SLC35A3: variants seen among roughly 807,000 people sequenced by gnomAD.
SLC35A3 encodes UDP-N-acetylglucosamine transporter.
In SLC35A3, 26 loss-of-function variants were observed where a neutral mutation model predicts 39.0. The ratio of observed to expected loss-of-function variants is 0.67; its 90% CI spans 0.49 to 0.92. The LOEUF (loss-of-function observed/expected upper bound fraction) is 0.92, where lower values mean the gene tolerates loss of function less well. Among genes scored for constraint, SLC35A3 ranks in the 40% least tolerant of loss-of-function variants. The pLI, the probability that SLC35A3 is intolerant of heterozygous loss-of-function variation, is 0.00. For missense variants in SLC35A3, 299 were observed against 371.6 expected (o/e 0.80, Z 1.61); for synonymous variants, 135 against 133.1 (o/e 1.01, Z -0.10).
chr1:100,014,721 A>C (rs907285296), intron 5 of SLC35A3, among the ~76,000 whole-genome samples: 7 of 152,200 alleles, frequency 4.6e-5, no homozygotes, highest in Non-Finnish European at 1.5e-5. Context: ...GTATTATTTT[A>C]GTGCTCCAAA....
chr1:100,012,098 C>T (rs962806591), intron 5 of SLC35A3, among the ~76,000 whole-genome samples: 1 of 151,942 alleles, frequency 6.6e-6, no homozygotes, highest in African/African-American at 2.4e-5. Context: ...GCCTGGCCAA[C>T]ATGATGAAGC....
intron 5 of SLC35A3, among the ~76,000 whole-genome samples, chr1:100,012,452 A>G (rs1478152623): frequency 6.6e-6 from 1 of 152,202 alleles, no homozygotes; most frequent in African/African-American, 2.4e-5. Context: ...TGCTCATAGA[A>G]AAAAATGATA....
At chr1:100,000,483 A>C (rs901818052) in intron 3 of SLC35A3, among the ~76,000 whole-genome samples, 18 of 152,016 alleles carry the variant, frequency 1.2e-4, no homozygotes, top group African/African-American at 4.3e-4. Context: ...TTCTTGTCAC[A>C]TGATTAGTGC....
chr1:99,981,980 A>G (rs939819617), intron 1 of SLC35A3, among the ~76,000 whole-genome samples: 1 of 150,320 alleles, frequency 6.7e-6, no homozygotes, highest in East Asian at 2.0e-4. Context: ...TTTAGGGTTT[A>G]CCTACACCTA....
chr1:99,970,689 T>G (rs1348807948), intron 1 of SLC35A3: 3 of 1,367,978 alleles, frequency 2.2e-6, no homozygotes, highest in East Asian at 2.5e-5. Context: ...TGGGGTGAGA[T>G]TCTCATCAGA....
At chr1:99,986,599 A>AT (rs1312209478) in intron 1 of SLC35A3, among the ~76,000 whole-genome samples, 9 of 148,660 alleles carry the variant, frequency 6.1e-5, no homozygotes, top group East Asian at 2.0e-4. Context: ...TATTTTTTTG[A>AT]TTTTTTGAGA....
rs761922041 is a variant in SLC35A3 at position 100,031,488 on chromosome 1, G to GC, written c.*9016dup. 5.9e-5 allele frequency: 9 copies of GC among 152,096 alleles called. No homozygotes were observed. Among genetic ancestry groups the GC allele is most frequent in the Non-Finnish European group, 1.2e-4 (8 of 68,010 alleles). 9.4% of individuals were successfully genotyped at this position (152,096 alleles called of 1,614,324 possible). On this transcript the variant is annotated 3_prime_UTR_variant, in exon 8 of 8. Coordinates refer to ENST00000533028, the MANE Select transcript of SLC35A3 (RefSeq NM_012243.3). Reference sequence around the variant, plus strand: ...TCTAAGTTCAAATTCAAATACAATTGCCCCTCTGTAAACGTGGGGGATTGG... The same window carrying GC: ...TCTAAGTTCAAATTCAAATACAATTGCCCCCTCTGTAAACGTGGGGGATTGG...
intron 1 of SLC35A3, among the ~76,000 whole-genome samples, chr1:99,979,582 C>T (rs1395036785): frequency 3.3e-5 from 5 of 151,220 alleles, no homozygotes; most frequent in African/African-American, 7.3e-5. Context: ...TACAGGCGCC[C>T]GCCACCACGC....
intron 1 of SLC35A3, among the ~76,000 whole-genome samples, chr1:99,992,161 G>C (rs922174584): frequency 2.6e-5 from 4 of 152,090 alleles, no homozygotes; most frequent in African/African-American, 9.7e-5. Context: ...GAGAAAGGTA[G>C]GGTAAAAATC....
chr1:100,021,430 A>G (rs1660530770), intron 7 of SLC35A3, among the ~76,000 whole-genome samples: 1 of 152,120 alleles, frequency 6.6e-6, no homozygotes, highest in Non-Finnish European at 1.5e-5. Flanking sequence ...TAATCACAGC[A>G]CATTGGGAGT....
intron 3 of SLC35A3, among the ~76,000 whole-genome samples, chr1:100,005,082 C>G (rs1027970468): frequency 2.0e-5 from 3 of 152,166 alleles, no homozygotes; most frequent in African/African-American, 7.2e-5. Context: ...ACAATAGTTT[C>G]ACTGCGTATG....
Position 100,011,468 on chromosome 1 carries a change from G to A in SLC35A3, c.569G>A (p.Gly190Glu). Residue 190 changes from glycine (G) to glutamate (E), a missense_variant, in exon 5 of 8, where the codon GGG (glycine) becomes GAG (glutamate). Physicochemically the swap from Gly to Glu is moderately conservative, Grantham distance 98. Transcript: ENST00000533028. ...GCATGTTTTTCAAGTGGCTTTGCTG[G>A]GGTTTACTTTGAGAAAATCTTAAAA... ...LTACFSSGFA[G>E]VYFEKILKET... The A allele has an allele frequency of 6.4e-7, 1 of 1,573,932 alleles. No individual in the cohort carries two copies. The highest frequency in any genetic ancestry group is 8.7e-7 in the Non-Finnish European group (1 of 1,152,856).
In SLC35A3 at chr1:100,026,511, T is replaced by A. The variant is rs2101531544; in HGVS notation, c.*4035T>A. On this transcript the variant is annotated 3_prime_UTR_variant, in exon 8 of 8. Coordinates refer to ENST00000533028, the MANE Select transcript of SLC35A3 (RefSeq NM_012243.3). Reference sequence around the variant, plus strand: ...TGGGCAAAATTAGGATTTTTAAGAATAAATACATTTCTATTTTTTTGGTTG... The same window carrying A: ...TGGGCAAAATTAGGATTTTTAAGAAAAAATACATTTCTATTTTTTTGGTTG... The A allele has an allele frequency of 6.6e-6, 1 of 152,292 alleles. No homozygotes were observed. Among genetic ancestry groups the A allele is most frequent in the South Asian group, 2.1e-4 (1 of 4,832 alleles). The allele number at this position is 152,292 out of a possible 1,614,324, so 9.4% of individuals were successfully genotyped here.
rs1226959132 is a variant in SLC35A3 at position 100,024,550 on chromosome 1, C to CA, written c.*2088dup. ...TGGGTGACAGAGCGAGACTCCGTCTCAAAAAAAAAAAAAAGAAAACACACA... is the reference window on the plus strand; with the variant it reads ...TGGGTGACAGAGCGAGACTCCGTCTCAAAAAAAAAAAAAAAGAAAACACACA... On this transcript the variant is annotated 3_prime_UTR_variant, in exon 8 of 8. Transcript: ENST00000533028. 737 of 88,450 alleles carry CA rather than the reference C, an allele frequency of 8.3e-3. 3 individuals are homozygous for CA. Among genetic ancestry groups the CA allele is most frequent in the Middle Eastern group, 0.044 (8 of 182 alleles). The allele number at this position is 88,450 out of a possible 1,614,324, so 5.5% of individuals were successfully genotyped here.
At chr1:99,992,961 G>A (rs1008586874) in intron 1 of SLC35A3, 10 of 152,428 alleles carry the variant, frequency 6.6e-5, no homozygotes, top group African/African-American at 2.2e-4. Flanking sequence ...GTGGGAGGGG[G>A]AAGGGCCACC....
chr1:100,016,436 A>G (rs1194946230), intron 6 of SLC35A3, among the ~76,000 whole-genome samples: 4 of 136,624 alleles, frequency 2.9e-5, no homozygotes, highest in African/African-American at 5.6e-5. Flanking sequence ...TGCAGTGGCG[A>G]GATCTTGGCT....
rs1658593656 is a variant in SLC35A3 at position 99,999,111 on chromosome 1, G to A, written c.188-150G>A. ...ATAATATTTAACATTTTAAAAATCA[G>A]CATCATAAAGATATATTTTAGTCCT... is the stretch of plus-strand genomic sequence containing the variant. On this transcript the variant is annotated intron_variant, in intron 2 of 7. Transcript: ENST00000533028. The A allele has an allele frequency of 9.3e-6, 4 of 430,484 alleles. No individual in the cohort carries two copies. In the East Asian group the frequency reaches 1.5e-4, roughly 16 times the overall value. 26.7% of individuals were successfully genotyped at this position (430,484 alleles called of 1,614,324 possible).
intron 2 of SLC35A3, among the ~76,000 whole-genome samples, chr1:99,995,423 G>A (rs1400214517): frequency 6.6e-6 from 1 of 152,030 alleles, no homozygotes; most frequent in Admixed American, 6.6e-5. Flanking sequence ...AAAGTGCTGG[G>A]ATTACAGGAG....
Position 99,997,410 on chromosome 1 carries a change from T to TATATATATATATATATA in SLC35A3, c.188-1851_188-1850insATATATATATATATATA, listed in dbSNP as rs1658469252. On this transcript the variant is annotated intron_variant, in intron 2 of 7. Coordinates refer to ENST00000533028, the MANE Select transcript of SLC35A3 (RefSeq NM_012243.3). ...ACAGTTATATGTTTTATATATAGTT[T>TATATATATATATATATA]TATATATATATATATATATATATAT... is the stretch of plus-strand genomic sequence containing the variant. 1.5e-4 allele frequency among the ~76,000 whole-genome samples: 14 copies of TATATATATATATATATA among 92,100 alleles called. 1 individual carries two copies. Among genetic ancestry groups the TATATATATATATATATA allele is most frequent in the African/African-American group, 3.2e-4 (6 of 18,630 alleles). 60.4% of individuals were successfully genotyped at this position (92,100 alleles called of 152,430 possible). A position where few individuals can be genotyped will look rare whatever the true frequency, so the allele number is the denominator to read the frequency against.
Sources: allele counts gnomAD v4.1 joint callset (sites outside exome capture counted in the v4.1 genomes callset), GRCh38; gene constraint gnomAD v4.1.1; transcripts MANE v1.5; gene names NCBI Gene and HGNC (gene_info 2026-07-23, HGNC 2026-07-21).